The following KNL1 variants were observed in gnomAD, a reference collection of about 807,000 sequenced individuals.
The protein encoded by KNL1 is kinetochore scaffold 1, also known as outer kinetochore KNL1 complex subunit KNL1.
KNL1 carries 66 observed loss-of-function variants against 201.3 expected under a neutral mutation model. The ratio of observed to expected loss-of-function variants is 0.33; its 90% CI spans 0.27 to 0.40. KNL1 has a LOEUF of 0.40. Among genes scored for constraint, KNL1 ranks in the 10% least tolerant of loss-of-function variants. KNL1 has a pLI of 1.00. For missense variants in KNL1, 2,815 were observed against 2,690.5 expected, an observed-to-expected ratio of 1.05 and a Z score of -1.02; for synonymous variants, 895 against 899.2, an observed-to-expected ratio of 1.00 and a Z score of 0.08.
chr15:40,613,560 G>A (rs915700853), intron 7 of KNL1, among the ~76,000 whole-genome samples: 1 of 151,942 alleles, frequency 6.6e-6, no homozygotes, highest in African/African-American at 2.4e-5. Flanking sequence ...AAATAAAAAG[G>A]TACAGAAGTA....
intron 2 of KNL1, 34 bp downstream of exon 2, chr15:40,603,000 T>G (rs1891857579): frequency 7.3e-7 from 1 of 1,379,224 alleles, no homozygotes; most frequent in Non-Finnish European, 1.0e-6. Flanking sequence ...AAATATTATA[T>G]TCTATCAGAG....
rs750085080 is a variant in KNL1, at chr15:40,640,898, AT to A, written c.5683-5del. 122 of 1,506,494 alleles carry A rather than the reference AT, an allele frequency of 8.1e-5. No individual in the cohort carries two copies. The highest frequency in any genetic ancestry group is 1.7e-4 in the Middle Eastern group (1 of 5,834). 93.3% of individuals were successfully genotyped at this position (1,506,494 alleles called of 1,614,324 possible). ...CAAGATACCAGTTCTCAGGGACTGA[AT>A]TTTTTTTTCCAGTTTACTGTAAACA... On this transcript the variant is annotated splice_polypyrimidine_tract_variant and intron_variant, in intron 13 of 25. Coordinates refer to ENST00000399668, the MANE Select transcript of KNL1 (RefSeq NM_144508.5).
intron 8 of KNL1, among the ~76,000 whole-genome samples, chr15:40,617,972 T>C (rs1892396010): frequency 2.1e-5 from 1 of 47,712 alleles, no homozygotes; most frequent in South Asian, 6.0e-4. Flanking sequence ...ATAAGGCTTT[T>C]AGTAAAAAAA....
chr15:40,625,864 T>A (rs1892737265), intron 10 of KNL1: 2 of 453,478 alleles, frequency 4.4e-6, no homozygotes, highest in South Asian at 3.1e-5. Context: ...CACAAAAAAA[T>A]TAAATGGAAA....
chr15:40,651,290 TTA>T lies in KNL1; in HGVS notation c.6213-176_6213-175del, dbSNP rs71816272. Among the ~76,000 whole-genome samples, 51,113 of 117,076 alleles carry T rather than the reference TTA, an allele frequency of 0.44. 9,429 individuals are homozygous for T. The highest frequency in any genetic ancestry group is 0.52 in the Non-Finnish European group (28,462 of 54,464). 76.8% of individuals were successfully genotyped at this position (117,076 alleles called of 152,430 possible). A position where few individuals can be genotyped will look rare whatever the true frequency, so the allele number is the denominator to read the frequency against. ...GGTAGACCCACTTCTAGATTAATGCTTATATAAAAAAAAAAAAAAAAACTAAA... is the reference window on the plus strand; with the variant it reads ...GGTAGACCCACTTCTAGATTAATGCTTATAAAAAAAAAAAAAAAAACTAAA... On this transcript the variant is annotated intron_variant, in intron 19 of 25. Transcript: ENST00000399668.
At chr15:40,652,423 G>A (rs1018067753) in intron 21 of KNL1, among the ~76,000 whole-genome samples, 1 of 149,462 alleles carries the variant, frequency 6.7e-6, no homozygotes, top group Non-Finnish European at 1.5e-5. Flanking sequence ...TCGTGATAGA[G>A]AATAGAGAAT....
intron 24 of KNL1, among the ~76,000 whole-genome samples, chr15:40,658,949 GAAAA>G (rs1893823372): frequency 8.0e-6 from 1 of 124,436 alleles, no homozygotes; most frequent in Admixed American, 7.9e-5. Context: ...AAAAGAAAAA[GAAAA>G]GAAATAATGT....
chr15:40,662,342 G>C lies in KNL1; in HGVS notation c.*154G>C, dbSNP rs1262374138. The stretch of plus-strand genomic sequence containing the variant: ...TAATCTGTATGTTTTTTATATCTCT[G>C]CAGAATGATGGTGATGAAGTCTGGA... On this transcript the variant is annotated 3_prime_UTR_variant, in exon 26 of 26. Transcript: ENST00000399668. 1.7e-6 allele frequency: 1 copy of C among 571,866 alleles called. No homozygotes were observed. Among genetic ancestry groups the C allele is most frequent in the African/African-American group, 1.9e-5 (1 of 52,670 alleles). The allele number at this position is 571,866 out of a possible 1,614,324, so 35.4% of individuals were successfully genotyped here.
At chr15:40,655,444 A>G (rs1216714936) in intron 22 of KNL1, among the ~76,000 whole-genome samples, 1 of 151,706 alleles carries the variant, frequency 6.6e-6, no homozygotes. Flanking sequence ...TACAGAAATT[A>G]GTTGGGCGCG....
chr15:40,649,918 A>G (rs1392859126), intron 17 of KNL1, among the ~76,000 whole-genome samples: 1 of 152,018 alleles, frequency 6.6e-6, no homozygotes, highest in Non-Finnish European at 1.5e-5. Context: ...GTTATTTTGT[A>G]TAGTTTATCT....
chr15:40,634,837 T>C (rs1893009558), intron 13 of KNL1, among the ~76,000 whole-genome samples: 1 of 152,124 alleles, frequency 6.6e-6, no homozygotes, highest in African/African-American at 2.4e-5. Context: ...GACAAATTGA[T>C]GTTATGAATC....
At chr15:40,638,117 G>T (rs938023255) in intron 13 of KNL1, among the ~76,000 whole-genome samples, 2 of 151,856 alleles carry the variant, frequency 1.3e-5, no homozygotes, top group Non-Finnish European at 2.9e-5. Context: ...GAACCCAGGA[G>T]GCAGAGGTTA....
chr15:40,657,673 A>G (rs1017078810), intron 24 of KNL1, among the ~76,000 whole-genome samples, 200 bp downstream of exon 24: 4 of 152,164 alleles, frequency 2.6e-5, no homozygotes, highest in Non-Finnish European at 5.9e-5. Context: ...TTGTAAATGC[A>G]TAACCTTGAT....
chr15:40,618,921 A>G, intron 8 of KNL1, 38 bp from the exon 9 acceptor site: 2 of 1,401,064 alleles, frequency 1.4e-6, no homozygotes, highest in Admixed American at 1.7e-5. Flanking sequence ...GCTCAGTGTT[A>G]TATTTTCTGA....
chr15:40,625,232 A>G lies in KNL1; in HGVS notation c.4968A>G (p.Arg1656=), dbSNP rs1892703626. ...GTTCTTTGGGAATCTTTTTGCCTAG[A>G]TTGCCCAACAAGAGAAATTGTAGTG... ...RRCSLGIFLP[R]LPNKRNCSVT... is the part of the protein sequence containing the mutation. Residue 1656 remains arginine (R), a synonymous_variant, in exon 10 of 26, where the codon AGA becomes AGG. Coordinates refer to ENST00000399668, the MANE Select transcript of KNL1 (RefSeq NM_144508.5). 1 of 1,614,034 alleles carries G rather than the reference A, an allele frequency of 6.2e-7. No individual in the cohort carries two copies. The highest frequency in any genetic ancestry group is 8.5e-7 in the Non-Finnish European group (1 of 1,179,946).
intron 14 of KNL1, among the ~76,000 whole-genome samples, chr15:40,643,784 G>GT (rs1191457825): frequency 1.6e-4 from 24 of 152,314 alleles, no homozygotes; most frequent in African/African-American, 4.8e-4. Context: ...AGTGATAGAA[G>GT]TTTTTTTGAT....
Position 40,650,329 on chromosome 15 carries a change from A to G in KNL1, c.6123A>G (p.Lys2041=). 6.2e-7 allele frequency: 1 copy of G among 1,612,458 alleles called. No homozygotes were observed. The highest frequency in any genetic ancestry group is 8.5e-7 in the Non-Finnish European group (1 of 1,178,644). Residue 2041 remains lysine (K), a synonymous_variant, in exon 18 of 26, where the codon AAA becomes AAG. Coordinates refer to ENST00000399668, the MANE Select transcript of KNL1 (RefSeq NM_144508.5). ...TETKNLEDEE[K]NNPVEEWDSE... ...CTAAGAATTTGGAGGATGAAGAGAA[A>G]AACAATCCTGTGGAAGAATGGGATT...
Position 40,606,421 on chromosome 15 carries a change from A to G in KNL1, c.104A>G (p.Gln35Arg), listed in dbSNP as rs1209344651. 6.3e-7 allele frequency: 1 copy of G among 1,581,104 alleles called. No homozygotes were observed. Among genetic ancestry groups the G allele is most frequent in the Non-Finnish European group, 8.7e-7 (1 of 1,150,424 alleles). Residue 35 changes from glutamine (Q) to arginine (R), a missense_variant, in exon 4 of 26, where the codon CAG becomes CGG. This residue lies in a region of KNL1 where 2,464 missense variants were observed against 2,291.7 expected (regional missense o/e 1.08). Coordinates refer to ENST00000399668, the MANE Select transcript of KNL1 (RefSeq NM_144508.5). ...SILKPPRSPLQDLRGGNERVQ... is the reference protein window; with the variant it reads ...SILKPPRSPLRDLRGGNERVQ... ...TTGAAACCCCCAAGGAGTCCTCTTC[A>G]GGACCTCAGAGGTGGGAATGAAAGA...
chr15:40,659,894 A>ATGTGTGTGTGTGTGTG (rs776409302), intron 25 of KNL1, among the ~76,000 whole-genome samples: 101 of 146,970 alleles, frequency 6.9e-4, no homozygotes, highest in African/African-American at 1.7e-3. Flanking sequence ...TGAAGAATTT[A>ATGTGTGTGTGTGTGTG]TGTGTGTGTG....
Sources: allele counts gnomAD v4.1 joint callset (sites outside exome capture counted in the v4.1 genomes callset), GRCh38; gene constraint gnomAD v4.1.1; regional missense constraint gnomAD v4.1.1; transcripts MANE v1.5; gene names NCBI Gene and HGNC (gene_info 2026-07-23, HGNC 2026-07-21).